PPP2R2B: variants seen among roughly 807,000 people sequenced by gnomAD.
PPP2R2B encodes the protein protein phosphatase 2 regulatory subunit Bbeta, also known as serine/threonine-protein phosphatase 2A 55 kDa regulatory subunit B beta isoform.
In PPP2R2B, 5 loss-of-function variants were observed where a neutral mutation model predicts 46.0. The observed-to-expected ratio is 0.11, with a 90% CI of 0.06 to 0.23. The LOEUF is 0.23. PPP2R2B is among the 10% of genes least tolerant of loss of function. PPP2R2B has a pLI of 1.00. For missense variants in PPP2R2B, 367 were observed against 575.0 expected, an observed-to-expected ratio of 0.64 and a Z score of 3.70; for synonymous variants, 215 against 206.7, an observed-to-expected ratio of 1.04 and a Z score of -0.34.
At chr5:146,817,700 G>A (rs1289656500) in intron 2 of PPP2R2B, among the ~76,000 whole-genome samples, 3 of 152,138 alleles carry the variant, frequency 2.0e-5, no homozygotes, top group Admixed American at 6.6e-5. Context: ...TAAAATAAAA[G>A]TCTCCCCCAT....
chr5:146,616,265 C>G (rs1044344125), intron 7 of PPP2R2B, among the ~76,000 whole-genome samples: 2 of 152,142 alleles, frequency 1.3e-5, no homozygotes, highest in Admixed American at 1.3e-4. Context: ...AATCTAAGAC[C>G]TTAGAGCATG....
chr5:146,765,166 G>T (rs2151259692), intron 2 of PPP2R2B, among the ~76,000 whole-genome samples: 1 of 152,226 alleles, frequency 6.6e-6, no homozygotes, highest in East Asian at 1.9e-4. Context: ...TTAAAAGGTT[G>T]CTTGGAAACA....
intron 1 of PPP2R2B, among the ~76,000 whole-genome samples, chr5:146,954,089 G>T (rs2151837374): frequency 6.6e-6 from 1 of 150,582 alleles, no homozygotes; most frequent in South Asian, 2.1e-4. Flanking sequence ...GCATTTCCCT[G>T]TAGAAGAGAG....
chr5:146,762,782 G>T (rs1201018852), intron 2 of PPP2R2B, among the ~76,000 whole-genome samples: 1 of 152,202 alleles, frequency 6.6e-6, no homozygotes, highest in African/African-American at 2.4e-5. Flanking sequence ...ATAATGCAGT[G>T]TAATTGTTGT....
rs570560178 is a variant in PPP2R2B at position 146,952,663 on chromosome 5, C to T, written c.79+103002G>A. On this transcript the variant is annotated intron_variant, in intron 1 of 8. Transcript: ENST00000336640. ...GCTAGCTTTAGCCAGGATCAGTTTC[C>T]GTTGCTTGCAACTGAAGAACTCTAT... Among the ~76,000 whole-genome samples the T allele has an allele frequency of 5.9e-5, 9 of 152,196 alleles. No individual in the cohort carries two copies. The South Asian group carries it at 8.3e-4, about 14-fold the overall frequency.
chr5:146,730,828 A>ATGT (rs1752183940), intron 2 of PPP2R2B, among the ~76,000 whole-genome samples: 1 of 152,196 alleles, frequency 6.6e-6, no homozygotes, highest in African/African-American at 2.4e-5. Context: ...ATAAAAATGG[A>ATGT]CTAATACAGG....
At chr5:146,759,373 T>C (rs1045124458) in intron 2 of PPP2R2B, among the ~76,000 whole-genome samples, 3 of 152,170 alleles carry the variant, frequency 2.0e-5, no homozygotes, top group Non-Finnish European at 4.4e-5. Flanking sequence ...TTTGCAAACA[T>C]TAATTAAGCC....
At chr5:146,740,716 AT>A (rs934836402) in intron 2 of PPP2R2B, among the ~76,000 whole-genome samples, 1 of 151,828 alleles carries the variant, frequency 6.6e-6, no homozygotes, top group Non-Finnish European at 1.5e-5. Flanking sequence ...CTGTCTGATT[AT>A]TTTTTCACAA....
chr5:146,638,486 T>C (rs1774970448), intron 6 of PPP2R2B, 71 bp from the exon 7 acceptor site: 1 of 1,376,234 alleles, frequency 7.3e-7, no homozygotes, highest in Non-Finnish European at 1.0e-6. Context: ...GAATTAGCAA[T>C]GGCACCATCT....
At chr5:147,067,350 A>G (rs1469340838) in intron 2 of PPP2R2B, among the ~76,000 whole-genome samples, 5 of 151,362 alleles carry the variant, frequency 3.3e-5, no homozygotes, top group Non-Finnish European at 5.9e-5. Flanking sequence ...TTATCAGTCT[A>G]CTCTCTGGTT....
intron 1 of PPP2R2B, among the ~76,000 whole-genome samples, chr5:146,902,970 T>A (rs1762882895): frequency 6.6e-6 from 1 of 152,240 alleles, no homozygotes; most frequent in Admixed American, 6.5e-5. Context: ...TGTTATTTGC[T>A]TTTGTAACTC....
chr5:146,804,832 ACACTCC>A (rs1757079075), intron 2 of PPP2R2B, among the ~76,000 whole-genome samples: 1 of 152,218 alleles, frequency 6.6e-6, no homozygotes. Flanking sequence ...TTAATGCTTC[ACACTCC>A]ATGATGAGTC....
intron 1 of PPP2R2B, among the ~76,000 whole-genome samples, chr5:146,991,854 G>T (rs985814014): frequency 1.3e-5 from 2 of 151,818 alleles, no homozygotes; most frequent in Admixed American, 1.3e-4. Flanking sequence ...ACAAAATATT[G>T]ATAAAATAAA....
intron 1 of PPP2R2B, among the ~76,000 whole-genome samples, chr5:147,045,574 A>C (rs1387745004): frequency 1.3e-5 from 2 of 152,168 alleles, no homozygotes; most frequent in Non-Finnish European, 2.9e-5. Flanking sequence ...CTGAGTGCTA[A>C]TCTGCTCTTA....
chr5:146,764,382 C>T (rs186420814), intron 2 of PPP2R2B, among the ~76,000 whole-genome samples: 4 of 152,234 alleles, frequency 2.6e-5, no homozygotes, highest in East Asian at 3.9e-4. Flanking sequence ...GTTATTATTT[C>T]GCAGGAGTAT....
intron 2 of PPP2R2B, among the ~76,000 whole-genome samples, chr5:146,812,804 T>TAA (rs1431575332): frequency 1.8e-5 from 1 of 56,508 alleles, no homozygotes; most frequent in African/African-American, 7.1e-5. Context: ...TATATATATA[T>TAA]ATATATATAT....
At chr5:147,077,848 C>T (rs1215854861) in intron 2 of PPP2R2B, among the ~76,000 whole-genome samples, 5 of 152,186 alleles carry the variant, frequency 3.3e-5, no homozygotes, top group African/African-American at 9.6e-5. Context: ...AAGCAGGCTA[C>T]TTTTGTATTA....
chr5:146,638,836 T>A (rs1774999826), intron 6 of PPP2R2B, among the ~76,000 whole-genome samples: 1 of 152,232 alleles, frequency 6.6e-6, no homozygotes, highest in African/African-American at 2.4e-5. Context: ...AATGGATTAT[T>A]GGGCTGATAA....
At chr5:147,074,749 T>C (rs777086881) in intron 2 of PPP2R2B, among the ~76,000 whole-genome samples, 1 of 152,198 alleles carries the variant, frequency 6.6e-6, no homozygotes, top group Non-Finnish European at 1.5e-5. Context: ...AAGTCACAGT[T>C]GTTGGCTTTT....
Sources: gnomAD v4.1 joint callset for allele counts (sites outside exome capture counted in the v4.1 genomes callset) on GRCh38, gnomAD v4.1.1 for gene constraint, MANE v1.5 for transcripts, NCBI Gene and HGNC (gene_info 2026-07-23, HGNC 2026-07-21) for gene names.